ARHGEF7: variants seen among roughly 807,000 people sequenced by gnomAD.
The protein encoded by ARHGEF7 is PAK-interacting exchange factor beta.
A neutral mutation model predicts 109.8 loss-of-function variants in ARHGEF7; 33 were observed. The observed-to-expected ratio is 0.30, with a 90% CI of 0.23 to 0.40. The LOEUF (loss-of-function observed/expected upper bound fraction) is 0.40. Among genes scored for constraint, ARHGEF7 ranks in the 10% least tolerant of loss-of-function variants. The probability of loss-of-function intolerance (pLI) is 1.00; values close to 1 mark genes in which losing one functional copy is unlikely to be tolerated. For synonymous variants in ARHGEF7, 458 were observed against 424.6 expected (o/e 1.08, Z -0.97); for missense variants, 938 against 1,098.5 (o/e 0.85, Z 2.07).
At chr13:111,197,452 C>A (rs140878619) in intron 2 of ARHGEF7, among the ~76,000 whole-genome samples, 63 of 152,302 alleles carry the variant, frequency 4.1e-4, no homozygotes, top group Non-Finnish European at 6.3e-4. Context: ...GATTTAATGA[C>A]CCTTACTGAC....
chr13:111,237,905 A>G (rs1044327257), intron 6 of ARHGEF7, among the ~76,000 whole-genome samples: 2 of 152,116 alleles, frequency 1.3e-5, no homozygotes, highest in Admixed American at 1.3e-4. Flanking sequence ...AGGGATAGTG[A>G]TTATGGGGGA....
At chr13:111,168,261 G>C (rs2077293872) in intron 2 of ARHGEF7, among the ~76,000 whole-genome samples, 1 of 152,176 alleles carries the variant, frequency 6.6e-6, no homozygotes, top group South Asian at 2.1e-4. Flanking sequence ...CATCTACTCT[G>C]TCTCTGCGGT....
chr13:111,126,941 C>T (rs1032476336), intron 1 of ARHGEF7, among the ~76,000 whole-genome samples: 2 of 152,058 alleles, frequency 1.3e-5, no homozygotes, highest in African/African-American at 4.8e-5. Context: ...TAATAAAGAA[C>T]AGAATGGAGA....
At chr13:111,251,116 C>T (rs1370621741) in intron 8 of ARHGEF7, among the ~76,000 whole-genome samples, 1 of 152,186 alleles carries the variant, frequency 6.6e-6, no homozygotes, top group East Asian at 1.9e-4. Context: ...CACCTAGCCC[C>T]CATCCTGTAA....
intron 18 of ARHGEF7, among the ~76,000 whole-genome samples, chr13:111,291,209 G>T (rs1005342572): frequency 6.6e-6 from 1 of 152,280 alleles, no homozygotes; most frequent in East Asian, 1.9e-4. Flanking sequence ...CATGGAGGGA[G>T]ACCCTGGCGG....
At chr13:111,219,008 G>C (rs2083479555) in intron 5 of ARHGEF7, among the ~76,000 whole-genome samples, 2 of 152,100 alleles carry the variant, frequency 1.3e-5, no homozygotes, top group South Asian at 4.1e-4. Context: ...TGTTCTTATT[G>C]TATGTATATG....
intron 1 of ARHGEF7, among the ~76,000 whole-genome samples, chr13:111,124,691 C>T (rs2067439759): frequency 6.6e-6 from 1 of 152,194 alleles, no homozygotes; most frequent in South Asian, 2.1e-4. Flanking sequence ...CTGCTGAAGC[C>T]CCACCCATCC....
At chr13:111,231,118 G>A (rs895449165) in intron 5 of ARHGEF7, among the ~76,000 whole-genome samples, 15 of 152,200 alleles carry the variant, frequency 9.9e-5, no homozygotes, top group Non-Finnish European at 1.5e-4. Context: ...GCTTATGATC[G>A]CAGTGGCTGT....
In ARHGEF7 at chr13:111,217,781, C is replaced by A. The variant is rs1292140947; in HGVS notation, c.571C>A (p.His191Asn). 8.7e-6 allele frequency: 14 copies of A among 1,614,222 alleles called. No homozygotes were observed. Among genetic ancestry groups the A allele is most frequent in the Non-Finnish European group, 1.2e-5 (14 of 1,180,040 alleles). Reference sequence around the variant, plus strand: ...TTCCTTCTCAAAAGGAGACGTCATCCATGTCACCCGTGTGGAAGAGGGAGG... The same window carrying A: ...TTCCTTCTCAAAAGGAGACGTCATCAATGTCACCCGTGTGGAAGAGGGAGG... ...ELSFSKGDVI[H>N]VTRVEEGGWW... is the part of the protein sequence containing the mutation. The change falls in exon 5 of 22, where the codon CAT becomes AAT. Residue 191 changes from histidine (H) to asparagine (N), a missense_variant. Physicochemically the swap from His to Asn is moderately conservative, Grantham distance 68. Coordinates refer to ENST00000646102, the MANE Select transcript of ARHGEF7 (RefSeq NM_001354046.2).
chr13:111,153,496 G>T (rs184533273), intron 1 of ARHGEF7, among the ~76,000 whole-genome samples: 1 of 152,100 alleles, frequency 6.6e-6, no homozygotes. Flanking sequence ...CCAACCGGTG[G>T]GCTCCCTCTA....
intron 19 of ARHGEF7, among the ~76,000 whole-genome samples, chr13:111,298,370 A>C (rs887292263): frequency 1.3e-5 from 2 of 152,168 alleles, no homozygotes; most frequent in African/African-American, 4.8e-5. Context: ...TCCCTCCCAC[A>C]TCAGTTTCCT....
chr13:111,223,074 G>C (rs1408596918), intron 5 of ARHGEF7, among the ~76,000 whole-genome samples: 1 of 152,170 alleles, frequency 6.6e-6, no homozygotes, highest in Non-Finnish European at 1.5e-5. Context: ...GTATAGATGG[G>C]AAAACATAGT....
chr13:111,216,603 G>A (rs556510492), intron 4 of ARHGEF7, among the ~76,000 whole-genome samples: 1 of 152,312 alleles, frequency 6.6e-6, no homozygotes, highest in East Asian at 1.9e-4. Context: ...TGCTGGTGGG[G>A]ATAGAGGCCT....
chr13:111,272,388 G>A lies in ARHGEF7; in HGVS notation c.1074-1426G>A, dbSNP rs903189065. On this transcript the variant is annotated intron_variant, in intron 9 of 21. Coordinates refer to ENST00000646102, the MANE Select transcript of ARHGEF7 (RefSeq NM_001354046.2). The surrounding 1 kb of genome is among the most constrained non-coding windows in gnomAD (Gnocchi z 5.2). ...CCTCTGGCAGTAGCCAGCTTGGCTG[G>A]GGTGGTGCGGTGGGAGGCTCCTGTG... Among the ~76,000 whole-genome samples, 3 of 152,232 alleles carry A rather than the reference G, an allele frequency of 2.0e-5. No individual in the cohort carries two copies. The highest frequency in any genetic ancestry group is 7.2e-5 in the African/African-American group (3 of 41,456).
rs1057355736 is a variant in ARHGEF7 at position 111,250,330 on chromosome 13, T to G, written c.950+6036T>G. 1.1e-4 allele frequency among the ~76,000 whole-genome samples: 16 copies of G among 152,358 alleles called. No homozygotes were observed. The East Asian group carries it at 3.1e-3, about 29-fold the overall frequency. On this transcript the variant is annotated intron_variant, in intron 8 of 21. Transcript: ENST00000646102. ...CAGGTATGCGTGCATTCGGCGCTTG[T>G]GCACACGCTGCCACCACGTGCGTGA...
At chr13:111,197,573 C>T (rs533550134) in intron 2 of ARHGEF7, among the ~76,000 whole-genome samples, 1 of 152,292 alleles carries the variant, frequency 6.6e-6, no homozygotes, top group Admixed American at 6.5e-5. Context: ...GGGCCATACC[C>T]TGAGGGAGAG....
chr13:111,186,766 T>C, intron 2 of ARHGEF7: 1 of 976,146 alleles, frequency 1.0e-6, no homozygotes, highest in Non-Finnish European at 1.2e-6. Context: ...GCGAGCTGAC[T>C]GGTGGCAACG....
At chr13:111,212,336 G>T (rs1310528594) in intron 4 of ARHGEF7, among the ~76,000 whole-genome samples, 1 of 152,154 alleles carries the variant, frequency 6.6e-6, no homozygotes, top group Non-Finnish European at 1.5e-5. Context: ...GTTCGGCTCT[G>T]TGATGGGCCT....
chr13:111,305,646 A>G lies in ARHGEF7; in HGVS notation c.*2533A>G, dbSNP rs1363847599. The G allele has an allele frequency of 6.6e-6, 1 of 152,232 alleles. No homozygotes were observed. Among genetic ancestry groups the G allele is most frequent in the African/African-American group, 2.4e-5 (1 of 41,448 alleles). 9.4% of individuals were successfully genotyped at this position (152,232 alleles called of 1,614,324 possible). A position where few individuals can be genotyped will look rare whatever the true frequency, so the allele number is the denominator to read the frequency against. On this transcript the variant is annotated 3_prime_UTR_variant, in exon 22 of 22. Transcript: ENST00000646102. ...AAGTGTGGAGAAACTCCTAATTTAA[A>G]TGTCACAGACAATGTCCTAGTGTTG... is the stretch of plus-strand genomic sequence containing the variant.
Sources: allele counts gnomAD v4.1 joint callset (sites outside exome capture counted in the v4.1 genomes callset), GRCh38; gene constraint gnomAD v4.1.1; non-coding constraint Gnocchi (gnomAD v3.1); transcripts MANE v1.5; gene names NCBI Gene and HGNC (gene_info 2026-07-23, HGNC 2026-07-21).